Variants in SLC25A21 observed in about 807,000 individuals in gnomAD.
SLC25A21 encodes solute carrier family 25 member 21, also known as mitochondrial 2-oxodicarboxylate carrier.
SLC25A21 carries 47 observed loss-of-function variants against 43.8 expected under a neutral mutation model. That is an observed-to-expected ratio of 1.07 (90% CI 0.85 to 1.37). SLC25A21 has a LOEUF of 1.37. Among genes scored for constraint, SLC25A21 ranks in the 40% most tolerant of loss-of-function variants. The pLI is 0.00. For synonymous variants in SLC25A21, 131 were observed against 121.3 expected (o/e 1.08, Z -0.52); for missense variants, 352 against 350.2 (o/e 1.00, Z -0.04).
chr14:36,801,078 C>G (rs921793598), intron 3 of SLC25A21, among the ~76,000 whole-genome samples: 1 of 152,162 alleles, frequency 6.6e-6, no homozygotes, highest in African/African-American at 2.4e-5. Flanking sequence ...AGCTCTCACT[C>G]TTGGGAGTGG....
intron 2 of SLC25A21, among the ~76,000 whole-genome samples, chr14:36,819,537 T>C (rs1393127588): frequency 6.6e-6 from 1 of 152,156 alleles, no homozygotes; most frequent in African/African-American, 2.4e-5. Context: ...TCTGAAGATA[T>C]GGCCAAAAGA....
chr14:36,833,663 C>T lies in SLC25A21; in HGVS notation c.120-19662G>A, dbSNP rs575921173. ...AAATTGTGCCAGACCAATTTAATTT[C>T]CTCTCCTAGTACAGGGACAGGTTAT... On this transcript the variant is annotated intron_variant, in intron 2 of 9. Transcript: ENST00000331299. 3.3e-5 allele frequency among the ~76,000 whole-genome samples: 5 copies of T among 152,272 alleles called. No homozygotes were observed. In the East Asian group the frequency reaches 7.7e-4, roughly 24 times the overall value.
chr14:37,061,498 C>T (rs1276479353), intron 1 of SLC25A21, among the ~76,000 whole-genome samples: 1 of 137,554 alleles, frequency 7.3e-6, no homozygotes, highest in African/African-American at 3.6e-5. Context: ...TATTAGTTAG[C>T]CAACATGATT....
intron 3 of SLC25A21, among the ~76,000 whole-genome samples, chr14:36,741,053 G>A (rs1427802705): frequency 6.6e-6 from 1 of 152,084 alleles, no homozygotes; most frequent in East Asian, 1.9e-4. Flanking sequence ...TTTGACTCAG[G>A]TAAAGAAACT....
chr14:36,869,694 G>T (rs942230075), intron 2 of SLC25A21, among the ~76,000 whole-genome samples: 17 of 152,164 alleles, frequency 1.1e-4, no homozygotes, highest in Admixed American at 3.3e-4. Context: ...TACAGTGGAG[G>T]GTAGGAGAGT....
chr14:36,721,830 T>C (rs1884385218), intron 6 of SLC25A21, among the ~76,000 whole-genome samples: 1 of 152,242 alleles, frequency 6.6e-6, no homozygotes, highest in African/African-American at 2.4e-5. Flanking sequence ...TTGGATAACA[T>C]ACTTTTCTTT....
chr14:37,009,153 T>A (rs868188568), intron 1 of SLC25A21, among the ~76,000 whole-genome samples: 1 of 152,158 alleles, frequency 6.6e-6, no homozygotes, highest in Non-Finnish European at 1.5e-5. Flanking sequence ...ATTTATCTTA[T>A]TAATAGGCTT....
At chr14:36,890,902 G>A (rs531572310) in intron 1 of SLC25A21, among the ~76,000 whole-genome samples, 6 of 152,206 alleles carry the variant, frequency 3.9e-5, no homozygotes, top group East Asian at 3.9e-4. Flanking sequence ...AATGCATGTC[G>A]TAAAGAAATG....
chr14:37,063,101 T>C (rs1224016093), intron 1 of SLC25A21, among the ~76,000 whole-genome samples: 2 of 152,106 alleles, frequency 1.3e-5, no homozygotes, highest in Admixed American at 6.6e-5. Context: ...TCATGAGAAC[T>C]AACTCACTAT....
intron 3 of SLC25A21, among the ~76,000 whole-genome samples, chr14:36,738,152 A>G (rs1885117765): frequency 6.6e-6 from 1 of 152,176 alleles, no homozygotes. Flanking sequence ...CCTTGAGCAG[A>G]CCAGAAGAGT....
intron 2 of SLC25A21, among the ~76,000 whole-genome samples, chr14:36,814,702 C>T (rs1464638093): frequency 2.0e-5 from 3 of 152,144 alleles, no homozygotes; most frequent in African/African-American, 4.8e-5. Flanking sequence ...GAAATAGGAA[C>T]GCTTTTACAC....
intron 3 of SLC25A21, among the ~76,000 whole-genome samples, chr14:36,772,583 T>C (rs760822898): frequency 2.6e-5 from 4 of 152,142 alleles, no homozygotes; most frequent in Non-Finnish European, 4.4e-5. Flanking sequence ...AAAATCTGAT[T>C]GGAGAGGGAT....
intron 1 of SLC25A21, among the ~76,000 whole-genome samples, chr14:37,089,202 GA>G: frequency 6.6e-6 from 1 of 151,980 alleles, no homozygotes; most frequent in African/African-American, 2.4e-5. Flanking sequence ...TTAAAAGGTT[GA>G]AAAAAATCAT....
chr14:36,824,999 G>A (rs756229261), intron 2 of SLC25A21, among the ~76,000 whole-genome samples: 1 of 152,068 alleles, frequency 6.6e-6, no homozygotes, highest in Non-Finnish European at 1.5e-5. Flanking sequence ...GGACATCTTT[G>A]TAGGAGGTTT....
At chr14:36,913,680 C>T (rs183500862) in intron 1 of SLC25A21, among the ~76,000 whole-genome samples, 1 of 152,216 alleles carries the variant, frequency 6.6e-6, no homozygotes, top group East Asian at 1.9e-4. Flanking sequence ...GATTTCCAAG[C>T]CTATGACAAA....
chr14:36,937,158 T>C (rs1462967475), intron 1 of SLC25A21, among the ~76,000 whole-genome samples: 1 of 152,216 alleles, frequency 6.6e-6, no homozygotes, highest in Non-Finnish European at 1.5e-5. Flanking sequence ...GCAACTGCTG[T>C]GTCTAACTAA....
intron 2 of SLC25A21, chr14:36,828,654 T>C (rs1888922643): frequency 6.6e-6 from 1 of 152,232 alleles, no homozygotes; most frequent in African/African-American, 2.4e-5. Flanking sequence ...TGTTACTGTA[T>C]TGGGTGTGCC....
chr14:36,964,633 A>G (rs1411598215), intron 1 of SLC25A21, among the ~76,000 whole-genome samples: 3 of 152,238 alleles, frequency 2.0e-5, no homozygotes, highest in Non-Finnish European at 4.4e-5. Context: ...GGACAAAGTA[A>G]TATTATTGGT....
chr14:36,689,190 A>G (rs1882686354), intron 7 of SLC25A21, among the ~76,000 whole-genome samples: 1 of 152,246 alleles, frequency 6.6e-6, no homozygotes, highest in Non-Finnish European at 1.5e-5. Flanking sequence ...GGCCAAAAAA[A>G]GAGCTTGTGC....
Sources: allele counts gnomAD v4.1 joint callset (sites outside exome capture counted in the v4.1 genomes callset), GRCh38; gene constraint gnomAD v4.1.1; transcripts MANE v1.5; gene names NCBI Gene and HGNC (gene_info 2026-07-23, HGNC 2026-07-21).